Variants in RGS7 observed in about 807,000 individuals in gnomAD.
RGS7 encodes the protein regulator of G protein signaling 7, also known as regulator of G-protein signaling 7.
RGS7 carries 27 observed loss-of-function variants against 81.1 expected under a neutral mutation model. The observed-to-expected ratio is 0.33, with a 90% CI of 0.25 to 0.46. RGS7 has a LOEUF of 0.46. RGS7 is among the 20% of genes least tolerant of loss of function. RGS7 has a pLI of 1.00. For missense variants in RGS7, 396 were observed against 607.4 expected (o/e 0.65, Z 3.66); for synonymous variants, 208 against 207.7 (o/e 1.00, Z -0.01).
chr1:241,175,394 G>T (rs1572992347), intron 2 of RGS7, among the ~76,000 whole-genome samples: 1 of 152,166 alleles, frequency 6.6e-6, no homozygotes, highest in African/African-American at 2.4e-5. Context: ...GATGGGACTT[G>T]TCTGGTTCTC....
At chr1:241,247,415 G>A (rs996707686) in intron 2 of RGS7, among the ~76,000 whole-genome samples, 1 of 152,136 alleles carries the variant, frequency 6.6e-6, no homozygotes, top group South Asian at 2.1e-4. Context: ...GATGAAGGGG[G>A]CCTGCCGCTC....
At chr1:241,220,030 T>C (rs1440260679) in intron 2 of RGS7, among the ~76,000 whole-genome samples, 1 of 152,226 alleles carries the variant, frequency 6.6e-6, no homozygotes, top group Non-Finnish European at 1.5e-5. Flanking sequence ...TGCTAATCTC[T>C]AACCTAATTT....
intron 2 of RGS7, among the ~76,000 whole-genome samples, chr1:241,242,306 GTAGA>G (rs58976335): frequency 0.054 from 7,961 of 147,502 alleles, 222 homozygotes; most frequent in East Asian, 0.11. Context: ...CTATGGATGA[GTAGA>G]TAGATAGATA....
intron 2 of RGS7, among the ~76,000 whole-genome samples, chr1:241,339,855 G>A (rs1342727904): frequency 6.6e-6 from 1 of 152,028 alleles, no homozygotes; most frequent in Admixed American, 6.6e-5. Flanking sequence ...TCTTTATTCT[G>A]ATGGCCATGT....
chr1:241,068,868 G>T (rs190887819), intron 3 of RGS7, among the ~76,000 whole-genome samples: 7 of 152,278 alleles, frequency 4.6e-5, no homozygotes, highest in Non-Finnish European at 8.8e-5. Context: ...TGGATTTCTC[G>T]TGAGTGGCTT....
intron 2 of RGS7, among the ~76,000 whole-genome samples, chr1:241,282,189 C>T (rs1341506000): frequency 1.3e-5 from 2 of 152,176 alleles, no homozygotes; most frequent in Non-Finnish European, 2.9e-5. Context: ...TCTATCATTC[C>T]CATCTTTATG....
chr1:241,054,587 T>C (rs1458890396), intron 3 of RGS7, among the ~76,000 whole-genome samples: 1 of 152,208 alleles, frequency 6.6e-6, no homozygotes, highest in Non-Finnish European at 1.5e-5. Flanking sequence ...CCATATGTAA[T>C]AGGTAATTCA....
intron 9 of RGS7, among the ~76,000 whole-genome samples, chr1:240,855,249 G>C (rs796482616): frequency 2.9e-5 from 4 of 139,694 alleles, no homozygotes; most frequent in African/African-American, 1.1e-4. Flanking sequence ...TAACAAGCGC[G>C]TCCATAGATT....
intron 2 of RGS7, among the ~76,000 whole-genome samples, chr1:241,239,131 G>A (rs1390828990): frequency 2.6e-5 from 4 of 152,036 alleles, no homozygotes; most frequent in Non-Finnish European, 5.9e-5. Context: ...ACCACGCCCG[G>A]CTAATTTTGT....
chr1:240,935,020 C>T (rs1261308218), intron 5 of RGS7, among the ~76,000 whole-genome samples: 1 of 151,002 alleles, frequency 6.6e-6, no homozygotes, highest in Admixed American at 6.6e-5. Flanking sequence ...TACCAAGTAG[C>T]TGGAATTACA....
At chr1:241,277,641 T>C (rs1398860292) in intron 2 of RGS7, among the ~76,000 whole-genome samples, 5 of 149,884 alleles carry the variant, frequency 3.3e-5, no homozygotes, top group Non-Finnish European at 5.9e-5. Flanking sequence ...AAATCAAGCA[T>C]GCACTTTGAA....
intron 2 of RGS7, among the ~76,000 whole-genome samples, chr1:241,104,931 A>G (rs1229245314): frequency 9.5e-6 from 1 of 105,022 alleles, no homozygotes; most frequent in African/African-American, 4.8e-5. Context: ...TTTAAGGCAT[A>G]TGTTTGCATT....
intron 2 of RGS7, among the ~76,000 whole-genome samples, chr1:241,188,174 T>C (rs1201712611): frequency 9.6e-6 from 1 of 104,274 alleles, no homozygotes; most frequent in East Asian, 2.7e-4. Flanking sequence ...ATTGTATGCA[T>C]GCCATCAAAA....
At chr1:241,306,411 G>GCA (rs1299548689) in intron 2 of RGS7, among the ~76,000 whole-genome samples, 1 of 124,976 alleles carries the variant, frequency 8.0e-6, no homozygotes, top group African/African-American at 3.1e-5. Flanking sequence ...ACCCTCACAT[G>GCA]CACACACGTC....
chr1:241,332,592 A>C lies in RGS7; in HGVS notation c.78+23107T>G, dbSNP rs565888348. 5.9e-5 allele frequency among the ~76,000 whole-genome samples: 9 copies of C among 152,304 alleles called. 1 individual carries two copies. In the South Asian group the frequency reaches 1.9e-3, roughly 32 times the overall value. ...AGACAACTTCCGCGGCCCCTTCACC[A>C]TCTAAGAGTCCATGAAGTATCTAAC... On this transcript the variant is annotated intron_variant, in intron 2 of 18. Coordinates refer to ENST00000440928, the MANE Select transcript of RGS7 (RefSeq NM_001364886.1).
Position 241,336,387 on chromosome 1 carries a change from A to T in RGS7, c.78+19312T>A, listed in dbSNP as rs540251593. ...ACATTCTTAAGATTTTGAAATATTCAATCATAGGATGTATGTGAAAGAAGG... is the reference window on the plus strand; with the variant it reads ...ACATTCTTAAGATTTTGAAATATTCTATCATAGGATGTATGTGAAAGAAGG... On this transcript the variant is annotated intron_variant, in intron 2 of 18. Coordinates refer to ENST00000440928, the MANE Select transcript of RGS7 (RefSeq NM_001364886.1). Among the ~76,000 whole-genome samples, 4 of 152,314 alleles carry T rather than the reference A, an allele frequency of 2.6e-5. No homozygotes were observed. The South Asian group carries it at 8.3e-4, about 32-fold the overall frequency.
At chr1:240,835,945 A>C (rs1443117240) in intron 9 of RGS7, among the ~76,000 whole-genome samples, 1 of 152,218 alleles carries the variant, frequency 6.6e-6, no homozygotes, top group Non-Finnish European at 1.5e-5. Context: ...GTTGGGAATA[A>C]ATAGGCCCAG....
chr1:241,200,984 G>A (rs922394213), intron 2 of RGS7, among the ~76,000 whole-genome samples: 6 of 152,110 alleles, frequency 3.9e-5, no homozygotes, highest in Admixed American at 3.9e-4. Context: ...AAGTCCTGTT[G>A]ATACATCAGT....
chr1:241,039,340 G>C (rs2060487927), intron 3 of RGS7, among the ~76,000 whole-genome samples: 1 of 151,732 alleles, frequency 6.6e-6, no homozygotes, highest in Non-Finnish European at 1.5e-5. Flanking sequence ...TCTGTTCATA[G>C]ATAAACCACA....
Sources: gnomAD v4.1 joint callset for allele counts (sites outside exome capture counted in the v4.1 genomes callset) on GRCh38, gnomAD v4.1.1 for gene constraint, MANE v1.5 for transcripts, NCBI Gene and HGNC (gene_info 2026-07-23, HGNC 2026-07-21) for gene names.